PGAP1: variants seen among roughly 807,000 people sequenced by gnomAD.
PGAP1 encodes the protein GPI inositol-deacylase.
In PGAP1, 76 loss-of-function variants were observed where a neutral mutation model predicts 127.0. The observed-to-expected ratio is 0.60, with a 90% CI of 0.50 to 0.72. The LOEUF (loss-of-function observed/expected upper bound fraction) is 0.72. Ranked by LOEUF, PGAP1 falls within the 30% of genes least tolerant of loss-of-function variation. PGAP1 has a pLI of 0.00. For missense variants in PGAP1, 982 were observed against 1,071.3 expected (o/e 0.92, Z 1.16); for synonymous variants, 362 against 366.5 (o/e 0.99, Z 0.14).
chr2:196,875,944 A>G (rs186505638), intron 13 of PGAP1, 123 bp from the exon 14 acceptor site: 1 of 573,120 alleles, frequency 1.7e-6, no homozygotes, highest in East Asian at 3.0e-5. Flanking sequence ...AGTATCATCT[A>G]TTACACTATA....
At chr2:196,901,463 A>G (rs1702487143) in intron 5 of PGAP1, among the ~76,000 whole-genome samples, 1 of 152,226 alleles carries the variant, frequency 6.6e-6, no homozygotes, top group Admixed American at 6.5e-5. Context: ...TAACTATGAA[A>G]CAGTGATTTT....
chr2:196,848,191 G>A (rs1398325032), intron 20 of PGAP1, among the ~76,000 whole-genome samples, 154 bp from the exon 21 acceptor site: 1 of 152,052 alleles, frequency 6.6e-6, no homozygotes, highest in Non-Finnish European at 1.5e-5. Flanking sequence ...ATTAAAAATA[G>A]CTGTAATTCA....
chr2:196,866,059 A>C (rs1345323101), intron 19 of PGAP1, among the ~76,000 whole-genome samples: 1 of 152,212 alleles, frequency 6.6e-6, no homozygotes, highest in Non-Finnish European at 1.5e-5. Context: ...AGAGTAATTT[A>C]TAGATTCAAT....
chr2:196,919,203 ATTTG>A (rs1168544447), intron 2 of PGAP1, among the ~76,000 whole-genome samples: 8 of 152,054 alleles, frequency 5.3e-5, no homozygotes, highest in Non-Finnish European at 1.0e-4. Context: ...TTACTGACAT[ATTTG>A]TTTGATTGCT....
At position 196,893,132 on chromosome 2, in the gene PGAP1, T is replaced by A. The variant is rs1702157892; in HGVS notation, c.1033+8A>T. 1 of 1,505,798 alleles carries A rather than the reference T, an allele frequency of 6.6e-7. No homozygotes were observed. The highest frequency in any genetic ancestry group is 1.7e-5 in the Admixed American group (1 of 58,404). 93.3% of individuals were successfully genotyped at this position (1,505,798 alleles called of 1,614,324 possible). On this transcript the variant is annotated splice_region_variant and intron_variant, in intron 8 of 26. Transcript: ENST00000354764. Reference sequence around the variant, plus strand: ...CATTTAAAATTAAAATATGTTATTGTCACCAACCTGTTAAGTCAGAAATTA... The same window carrying A: ...CATTTAAAATTAAAATATGTTATTGACACCAACCTGTTAAGTCAGAAATTA...
chr2:196,856,642 T>C (rs150505793), intron 20 of PGAP1, among the ~76,000 whole-genome samples: 246 of 152,356 alleles, frequency 1.6e-3, no homozygotes, highest in Middle Eastern at 0.01. Context: ...AGGCACCTGA[T>C]GTCATAATCA....
chr2:196,841,284 A>C lies in PGAP1; in HGVS notation c.2719T>G (p.Cys907Gly). Residue 907 changes from cysteine to glycine, a missense_variant, in exon 27 of 27, where the codon TGC (cysteine) becomes GGC (glycine). Cys to Gly is a radical substitution (Grantham distance 159). Coordinates refer to ENST00000354764, the MANE Select transcript of PGAP1 (RefSeq NM_024989.4). Reference protein sequence around the residue: ...FGSAHLYRLPCFVFIPLLLHA... With the variant: ...FGSAHLYRLPGFVFIPLLLHA... ...AGTAAAAGAGGAATGAAGACAAAGCATGGAAGCCTATATAAATGTGCTGAC... is the reference window on the plus strand; with the variant it reads ...AGTAAAAGAGGAATGAAGACAAAGCCTGGAAGCCTATATAAATGTGCTGAC... 6.2e-7 allele frequency: 1 copy of C among 1,614,036 alleles called. No homozygotes were observed. Among genetic ancestry groups the C allele is most frequent in the Non-Finnish European group, 8.5e-7 (1 of 1,179,940 alleles).
rs755670038 is a variant in PGAP1, at chr2:196,872,537, G to C, written c.1632C>G (p.Ser544=). The C allele has an allele frequency of 1.9e-6, 3 of 1,608,782 alleles. No homozygotes were observed. The highest frequency in any genetic ancestry group is 2.6e-6 in the Non-Finnish European group (3 of 1,175,238). The part of the protein sequence containing the change: ...DSLTIAQAPS[S]TEISLKLHIA... ...TATGGAGTTTCAGAGAAATTTCTGT[G>C]GAAGATGGAGCCCTGAAGAGATAAC... Residue 544 remains serine, a synonymous_variant, in exon 18 of 27, where the codon TCC becomes TCG. Coordinates refer to ENST00000354764, the MANE Select transcript of PGAP1 (RefSeq NM_024989.4).
chr2:196,900,969 A>G (rs1702468769), intron 5 of PGAP1, among the ~76,000 whole-genome samples: 1 of 152,162 alleles, frequency 6.6e-6, no homozygotes, highest in African/African-American at 2.4e-5. Flanking sequence ...TATCAAATAG[A>G]TTAGAAAAAA....
intron 13 of PGAP1, among the ~76,000 whole-genome samples, 187 bp downstream of exon 13, chr2:196,879,889 A>G (rs1701678744): frequency 6.6e-6 from 1 of 152,196 alleles, no homozygotes; most frequent in African/African-American, 2.4e-5. Context: ...TGGAACAAAG[A>G]AACTTGGGTT....
At chr2:196,883,702 T>C (rs1368900123) in intron 12 of PGAP1, among the ~76,000 whole-genome samples, 2 of 152,190 alleles carry the variant, frequency 1.3e-5, no homozygotes, top group African/African-American at 4.8e-5. Context: ...ATAATTCTCA[T>C]CTGACATTAC....
chr2:196,891,178 T>C (rs1235654012), intron 9 of PGAP1, among the ~76,000 whole-genome samples: 1 of 152,124 alleles, frequency 6.6e-6, no homozygotes, highest in Admixed American at 6.5e-5. Flanking sequence ...TTTGCTCTTC[T>C]AGTTAAGATT....
In PGAP1 at chr2:196,913,138, T is replaced by C. The variant is rs1029886743; in HGVS notation, c.478-85A>G. 17 of 1,247,972 alleles carry C rather than the reference T, an allele frequency of 1.4e-5. No individual in the cohort carries two copies. The African/African-American group carries it at 2.4e-4, about 18-fold the overall frequency. 77.3% of individuals were successfully genotyped at this position (1,247,972 alleles called of 1,614,324 possible). A position where few individuals can be genotyped will look rare whatever the true frequency, so the allele number is the denominator to read the frequency against. On this transcript the variant is annotated intron_variant, in intron 3 of 26. Transcript: ENST00000354764. ...TATTTCTCTCTGCATATGACCAATT[T>C]TATAGGAAAAAGAAAATCAAACTAT...
chr2:196,900,454 A>T (rs180747716), intron 5 of PGAP1, among the ~76,000 whole-genome samples: 4 of 152,384 alleles, frequency 2.6e-5, no homozygotes, highest in African/African-American at 9.6e-5. Flanking sequence ...TCATTCAAAA[A>T]TTGTTACTGT....
chr2:196,919,980 C>T lies in PGAP1; in HGVS notation c.301+17G>A, dbSNP rs371993991. The T allele has an allele frequency of 5.7e-6, 9 of 1,584,648 alleles. No homozygotes were observed. The highest frequency in any genetic ancestry group is 2.3e-5 in the South Asian group (2 of 85,910). ...TGAATTTTATAGCTTTCAAAATTTA[C>T]TTCCAGTAAGACTTACCTTGCTTAT... On this transcript the variant is annotated intron_variant, in intron 2 of 26. Transcript: ENST00000354764.
chr2:196,859,227 T>C (rs1207847486), intron 20 of PGAP1, among the ~76,000 whole-genome samples: 4 of 152,170 alleles, frequency 2.6e-5, no homozygotes, highest in African/African-American at 9.7e-5. Flanking sequence ...CTTGGGAGAC[T>C]GAAGCACAAG....
At chr2:196,917,449 A>G (rs1206200211) in intron 2 of PGAP1, among the ~76,000 whole-genome samples, 1 of 152,200 alleles carries the variant, frequency 6.6e-6, no homozygotes, top group Admixed American at 6.5e-5. Context: ...CTAACATAAG[A>G]TATTTTTTAA....
At chr2:196,850,950 T>C (rs1192767507) in intron 20 of PGAP1, among the ~76,000 whole-genome samples, 1 of 151,980 alleles carries the variant, frequency 6.6e-6, no homozygotes, top group Non-Finnish European at 1.5e-5. Context: ...TATCAATTTA[T>C]AGAAAATAGA....
In PGAP1 at chr2:196,844,064, G is replaced by T; in HGVS notation, c.2349C>A (p.His783Gln). ...TGGATTTCTTTTCACTTCTTCTAGA[G>T]TGTTTGGGATTCTATAAAACAATAA... ...FKNSQPVNPK[H>Q]SRRSEKKSNH... Residue 783 changes from histidine (H) to glutamine (Q), a missense_variant, in exon 25 of 27, where the codon CAC (histidine) becomes CAA (glutamine). Coordinates refer to ENST00000354764, the MANE Select transcript of PGAP1 (RefSeq NM_024989.4). 1 of 1,576,106 alleles carries T rather than the reference G, an allele frequency of 6.3e-7. No homozygotes were observed. The highest frequency in any genetic ancestry group is 8.7e-7 in the Non-Finnish European group (1 of 1,155,368).
Sources: gnomAD v4.1 joint callset for allele counts (sites outside exome capture counted in the v4.1 genomes callset) on GRCh38, gnomAD v4.1.1 for gene constraint, MANE v1.5 for transcripts, NCBI Gene and HGNC (gene_info 2026-07-23, HGNC 2026-07-21) for gene names.